Variants in TSPAN14 observed in about 807,000 individuals in gnomAD.
TSPAN14 encodes the protein tetraspanin-14.
Under a neutral mutation model 36.6 loss-of-function variants are expected in TSPAN14, and 16 were observed. The ratio of observed to expected loss-of-function variants is 0.44; its 90% CI spans 0.30 to 0.66. The LOEUF is 0.66. Among genes scored for constraint, TSPAN14 ranks in the 30% least tolerant of loss-of-function variants. The pLI is 0.12. For missense variants in TSPAN14, 231 were observed against 355.1 expected (o/e 0.65, Z 2.81); for synonymous variants, 139 against 143.8 (o/e 0.97, Z 0.24).
At chr10:80,501,172 A>G (rs1240543525) in intron 2 of TSPAN14, among the ~76,000 whole-genome samples, 1 of 149,388 alleles carries the variant, frequency 6.7e-6, no homozygotes, top group African/African-American at 2.5e-5. Flanking sequence ...GCTGGAGTGC[A>G]GTGGTGCAAT....
At chr10:80,488,064 C>T (rs1208847221) in intron 1 of TSPAN14, among the ~76,000 whole-genome samples, 1 of 152,204 alleles carries the variant, frequency 6.6e-6, no homozygotes, top group Non-Finnish European at 1.5e-5. Flanking sequence ...GGGTGGGTCG[C>T]CTCCTCACCT....
chr10:80,481,333 G>GA (rs2131994526), intron 1 of TSPAN14, among the ~76,000 whole-genome samples: 1 of 152,208 alleles, frequency 6.6e-6, no homozygotes, highest in East Asian at 1.9e-4. Context: ...CATCAGATGT[G>GA]AAAAAACTCA....
intron 1 of TSPAN14, among the ~76,000 whole-genome samples, chr10:80,480,759 G>A (rs1023477099): frequency 6.6e-6 from 1 of 151,444 alleles, no homozygotes; most frequent in Non-Finnish European, 1.5e-5. Flanking sequence ...GAAGGGGAAC[G>A]TCACACTCTG....
chr10:80,473,248 A>G (rs2131976750), intron 1 of TSPAN14, among the ~76,000 whole-genome samples: 1 of 152,242 alleles, frequency 6.6e-6, no homozygotes, highest in South Asian at 2.1e-4. Flanking sequence ...TTTCCTGATG[A>G]CAGCACTGAG....
intron 2 of TSPAN14, among the ~76,000 whole-genome samples, chr10:80,496,047 A>G (rs1436748914): frequency 6.6e-6 from 1 of 152,064 alleles, no homozygotes; most frequent in East Asian, 1.9e-4. Context: ...TCTGTTTTTA[A>G]TTACTTTTTA....
At chr10:80,480,493 C>T (rs1186919412) in intron 1 of TSPAN14, among the ~76,000 whole-genome samples, 16 of 152,276 alleles carry the variant, frequency 1.1e-4, no homozygotes, top group East Asian at 5.8e-4. Flanking sequence ...ATGTTTATTA[C>T]GGCACTATTC....
chr10:80,474,853 T>G (rs1324473187), intron 1 of TSPAN14, among the ~76,000 whole-genome samples: 1 of 152,132 alleles, frequency 6.6e-6, no homozygotes, highest in Non-Finnish European at 1.5e-5. Flanking sequence ...TCTTCCTCCC[T>G]CATGACCCCT....
intron 5 of TSPAN14, among the ~76,000 whole-genome samples, chr10:80,511,865 T>G (rs1251776862): frequency 6.6e-6 from 1 of 151,296 alleles, no homozygotes; most frequent in Non-Finnish European, 1.5e-5. Context: ...TGCCCAGACT[T>G]GTTTCCAACT....
At chr10:80,495,381 G>GTA (rs1848149485) in intron 2 of TSPAN14, among the ~76,000 whole-genome samples, 1 of 135,646 alleles carries the variant, frequency 7.4e-6, no homozygotes, top group Non-Finnish European at 1.6e-5. Flanking sequence ...GTGTGTGTAT[G>GTA]TACATGTGTG....
rs746892964 is a variant in TSPAN14, at chr10:80,509,331, C to G, written c.310C>G (p.Leu104Val). 2 of 1,614,072 alleles carry G rather than the reference C, an allele frequency of 1.2e-6. No homozygotes were observed. Among genetic ancestry groups the G allele is most frequent in the Non-Finnish European group, 1.7e-6 (2 of 1,179,988 alleles). ...TGGCACCATCGTGCTCATCTTCTTC[C>G]TGGAGCTGGCTGTGGCCGTGCTGGC... The change falls in exon 5 of 9, where the codon CTG (leucine) becomes GTG (valine). Residue 104 changes from leucine to valine, a missense_variant. By Grantham distance (32) the Leu-to-Val change is conservative. Coordinates refer to ENST00000429989, the Ensembl canonical transcript of TSPAN14. This position sits in a 1 kb window ranked among gnomAD's most constrained non-coding sequence, Gnocchi z 4.7.
chr10:80,516,707 A>C (rs370574728), intron 8 of TSPAN14, among the ~76,000 whole-genome samples: 5 of 152,130 alleles, frequency 3.3e-5, no homozygotes, highest in African/African-American at 1.2e-4. Context: ...GGGGAGGTGA[A>C]ACCCTTGGTC....
chr10:80,512,048 C>T (rs1420805743), intron 5 of TSPAN14, 96 bp from the exon 6 acceptor site: 1 of 1,560,956 alleles, frequency 6.4e-7, no homozygotes, highest in African/African-American at 1.4e-5. Flanking sequence ...TAGATGCCGG[C>T]AGACTTAGCC....
At chr10:80,521,190 A>T (rs776752888) in exon 9 of TSPAN14, 1 of 210,664 alleles carries the variant, frequency 4.7e-6, no homozygotes, top group Non-Finnish European at 9.7e-6. Flanking sequence ...CAGAGCAGAG[A>T]GGGTGTCAGT....
At chr10:80,464,414 G>T (rs1846133563) in intron 1 of TSPAN14, among the ~76,000 whole-genome samples, 3 of 152,204 alleles carry the variant, frequency 2.0e-5, no homozygotes. Context: ...GATGGGTGGG[G>T]AAGGAGGGAC....
At chr10:80,479,763 C>T (rs556836949) in intron 1 of TSPAN14, among the ~76,000 whole-genome samples, 1 of 151,282 alleles carries the variant, frequency 6.6e-6, no homozygotes, top group African/African-American at 2.4e-5. Flanking sequence ...TTAGGATTGA[C>T]TTGGCGATGC....
rs900658989 is a variant in TSPAN14 at position 80,510,851 on chromosome 10, T to G, written c.451-1293T>G. On this transcript the variant is annotated intron_variant, in intron 5 of 8. Transcript: ENST00000429989. ...ATCACGCCACTGCAGTCCAGCCTGG[T>G]CAACAGAGCAAGACTCCGTCTCAAA... Among the ~76,000 whole-genome samples the G allele has an allele frequency of 1.5e-4, 23 of 152,116 alleles. No individual in the cohort carries two copies. In the East Asian group the frequency reaches 1.7e-3, roughly 12 times the overall value.
At chr10:80,467,436 G>A (rs1022595719) in intron 1 of TSPAN14, among the ~76,000 whole-genome samples, 2 of 152,156 alleles carry the variant, frequency 1.3e-5, no homozygotes, top group African/African-American at 4.8e-5. Context: ...ATTTGAATTC[G>A]GGCTTACTGG....
chr10:80,464,211 C>G (rs113301123), intron 1 of TSPAN14, among the ~76,000 whole-genome samples: 513 of 152,320 alleles, frequency 3.4e-3, no homozygotes, highest in Non-Finnish European at 5.5e-3. Flanking sequence ...GTGTGAGGAT[C>G]GGCCTCCTTC....
At chr10:80,466,920 G>A (rs186752489) in intron 1 of TSPAN14, among the ~76,000 whole-genome samples, 97 of 152,326 alleles carry the variant, frequency 6.4e-4, no homozygotes, top group African/African-American at 2.1e-3. Flanking sequence ...ACAGGTCATA[G>A]GTGGGTTCGG....
Sources: allele counts gnomAD v4.1 joint callset (sites outside exome capture counted in the v4.1 genomes callset), GRCh38; gene constraint gnomAD v4.1.1; non-coding constraint Gnocchi (gnomAD v3.1); transcripts MANE v1.5; gene names NCBI Gene and HGNC (gene_info 2026-07-23, HGNC 2026-07-21).